DAB1: variants seen among roughly 807,000 people sequenced by gnomAD.
The protein encoded by DAB1 is disabled homolog 1.
DAB1 carries 15 observed loss-of-function variants against 64.6 expected under a neutral mutation model. The observed-to-expected ratio is 0.23, with a 90% CI of 0.16 to 0.36. The LOEUF (loss-of-function observed/expected upper bound fraction) is 0.36, where lower values mean the gene tolerates loss of function less well. DAB1 is among the 10% of genes least tolerant of loss of function. The pLI is 1.00. For missense variants in DAB1, 596 were observed against 706.7 expected (o/e 0.84, Z 1.78); for synonymous variants, 235 against 251.9 (o/e 0.93, Z 0.64).
At chr1:57,991,324 T>C (rs974610896) in intron 5 of DAB1, among the ~76,000 whole-genome samples, 6 of 152,180 alleles carry the variant, frequency 3.9e-5, no homozygotes, top group African/African-American at 1.2e-4. Flanking sequence ...TTCTTGTGGG[T>C]GACAATGCTA....
chr1:58,482,497 G>A (rs1473886361), intron 3 of DAB1, among the ~76,000 whole-genome samples: 5 of 151,844 alleles, frequency 3.3e-5, no homozygotes, highest in African/African-American at 1.2e-4. Flanking sequence ...TTAATATTTA[G>A]GAGTTTTAAA....
intron 3 of DAB1, among the ~76,000 whole-genome samples, chr1:58,435,383 C>G (rs1644930278): frequency 6.6e-6 from 1 of 152,062 alleles, no homozygotes; most frequent in Non-Finnish European, 1.5e-5. Flanking sequence ...TTTCCATGAC[C>G]TTGTTTTTCC....
chr1:57,831,373 T>A (rs852783), intron 1 of DAB1, among the ~76,000 whole-genome samples: 48,332 of 151,924 alleles, frequency 0.32, 8,864 homozygotes, highest in Admixed American at 0.47. Context: ...CCATAATAAA[T>A]CTTAGCCCTG....
intron 11 of DAB1, among the ~76,000 whole-genome samples, chr1:57,021,041 A>G (rs1432337402): frequency 2.0e-5 from 3 of 152,192 alleles, no homozygotes; most frequent in Non-Finnish European, 4.4e-5. Context: ...AGCTACAGAA[A>G]TTTTTATGGC....
chr1:57,245,139 G>A (rs1181101828), intron 2 of DAB1, among the ~76,000 whole-genome samples: 1 of 152,214 alleles, frequency 6.6e-6, no homozygotes, highest in African/African-American at 2.4e-5. Context: ...GTCTCAGGTG[G>A]AGATGAAGAA....
At chr1:58,524,329 C>T (rs1646316286) in intron 2 of DAB1, among the ~76,000 whole-genome samples, 1 of 152,190 alleles carries the variant, frequency 6.6e-6, no homozygotes, top group Non-Finnish European at 1.5e-5. Flanking sequence ...AGCTGCTTCT[C>T]CTGTTATCTT....
chr1:58,059,100 C>T (rs558270295), intron 5 of DAB1, among the ~76,000 whole-genome samples: 7 of 152,298 alleles, frequency 4.6e-5, no homozygotes, highest in African/African-American at 1.7e-4. Flanking sequence ...TAGCCCTGTC[C>T]CTGCCTGTCT....
chr1:58,413,320 T>G (rs1347161012), intron 3 of DAB1, among the ~76,000 whole-genome samples: 1 of 152,318 alleles, frequency 6.6e-6, no homozygotes, highest in East Asian at 1.9e-4. Flanking sequence ...GGTAATTACA[T>G]TAATTATCTC....
chr1:57,469,104 A>C (rs1281104383), intron 7 of DAB1, among the ~76,000 whole-genome samples: 2 of 152,200 alleles, frequency 1.3e-5, no homozygotes, highest in Non-Finnish European at 2.9e-5. Context: ...CTGGCTCAGC[A>C]ATGTGGTAAA....
At chr1:57,957,845 T>A (rs1347314664) in intron 5 of DAB1, among the ~76,000 whole-genome samples, 2 of 152,168 alleles carry the variant, frequency 1.3e-5, no homozygotes, top group East Asian at 1.9e-4. Context: ...TGACAATACA[T>A]GAAACAAGAC....
intron 10 of DAB1, among the ~76,000 whole-genome samples, chr1:57,025,199 G>C (rs553249003): frequency 6.6e-6 from 1 of 152,196 alleles, no homozygotes; most frequent in Non-Finnish European, 1.5e-5. Flanking sequence ...GGGCCATCTC[G>C]GCTCTTTTCT....
chr1:57,268,845 G>A (rs1479144939), intron 2 of DAB1, among the ~76,000 whole-genome samples: 2 of 152,208 alleles, frequency 1.3e-5, no homozygotes, highest in African/African-American at 2.4e-5. Context: ...GCTATTCACA[G>A]AATTTAATGT....
intron 1 of DAB1, among the ~76,000 whole-genome samples, chr1:57,393,033 T>G (rs1320999419): frequency 2.0e-5 from 3 of 152,216 alleles, no homozygotes; most frequent in African/African-American, 7.2e-5. Context: ...TCAAAATGTA[T>G]TTTTTAAATG....
At chr1:57,565,253 T>C (rs1351094246) in intron 7 of DAB1, among the ~76,000 whole-genome samples, 1 of 152,188 alleles carries the variant, frequency 6.6e-6, no homozygotes, top group African/African-American at 2.4e-5. Flanking sequence ...AGGCCTGTCC[T>C]GCAAGAGCTC....
chr1:57,796,972 G>C (rs972946920), intron 6 of DAB1, among the ~76,000 whole-genome samples: 3 of 152,262 alleles, frequency 2.0e-5, no homozygotes, highest in South Asian at 4.1e-4. Flanking sequence ...TTCCCCTTCT[G>C]TGTCTCTCTG....
At chr1:57,048,608 A>G (rs748644119) in intron 9 of DAB1, among the ~76,000 whole-genome samples, 1 of 152,212 alleles carries the variant, frequency 6.6e-6, no homozygotes. Context: ...AGTAGTTTTC[A>G]TACTACCTTC....
intron 7 of DAB1, among the ~76,000 whole-genome samples, chr1:57,441,708 T>C (rs1260930607): frequency 6.6e-6 from 1 of 152,182 alleles, no homozygotes; most frequent in Non-Finnish European, 1.5e-5. Context: ...TTTGATTCCA[T>C]GTCTTTGCTA....
chr1:57,724,966 T>C lies in DAB1; in HGVS notation n.552-75301A>G, dbSNP rs1158377198. ...AGCAAGCTATCCACTACTGTAAGAC[T>C]ACCCAAGTACAAGTTAGCCAAGTAA... On this transcript the variant is annotated intron_variant and non_coding_transcript_variant, in intron 6 of 20. Coordinates refer to the DAB1 transcript ENST00000485760. 2.0e-5 allele frequency among the ~76,000 whole-genome samples: 3 copies of C among 152,238 alleles called. No homozygotes were observed. The East Asian group carries it at 5.8e-4, about 29-fold the overall frequency.
intron 6 of DAB1, among the ~76,000 whole-genome samples, chr1:57,713,698 T>C (rs1647051942): frequency 6.6e-6 from 1 of 152,180 alleles, no homozygotes; most frequent in Non-Finnish European, 1.5e-5. Flanking sequence ...ATAGAACAAG[T>C]CAGGCCACCA....
Sources: allele counts gnomAD v4.1 joint callset (sites outside exome capture counted in the v4.1 genomes callset), GRCh38; gene constraint gnomAD v4.1.1; transcripts MANE v1.5; gene names NCBI Gene and HGNC (gene_info 2026-07-23, HGNC 2026-07-21).